PARVA: variants seen among roughly 807,000 people sequenced by gnomAD.
PARVA encodes alpha-parvin.
Under a neutral mutation model 52.6 loss-of-function variants are expected in PARVA, and 25 were observed. The observed-to-expected ratio is 0.48, with a 90% CI of 0.35 to 0.66. The LOEUF (loss-of-function observed/expected upper bound fraction) is 0.66. Ranked by LOEUF, PARVA falls within the 30% of genes least tolerant of loss-of-function variation. PARVA has a pLI of 0.01. For missense variants in PARVA, 373 were observed against 450.9 expected, an observed-to-expected ratio of 0.83 and a Z score of 1.56; for synonymous variants, 185 against 179.1, an observed-to-expected ratio of 1.03 and a Z score of -0.26.
intron 1 of PARVA, among the ~76,000 whole-genome samples, chr11:12,454,173 A>G (rs548521254): frequency 6.6e-6 from 1 of 152,300 alleles, no homozygotes; most frequent in African/African-American, 2.4e-5. Context: ...TGGGCGGAGC[A>G]GATATGAAGG....
Position 12,473,921 on chromosome 11 carries a change from G to A in PARVA, c.235G>A (p.Glu79Lys). 1.3e-6 allele frequency: 2 copies of A among 1,578,662 alleles called. No individual in the cohort carries two copies. The highest frequency in any genetic ancestry group is 1.7e-6 in the Non-Finnish European group (2 of 1,162,062). ...DPEDTMLEEN[E>K]VRTMVDPNSR... Reference sequence around the variant, plus strand: ...TCCTTTTCTTTTTAAAGAGGAGAATGAGGTGCGAACAATGGTGGATCCAAA... The same window carrying A: ...TCCTTTTCTTTTTAAAGAGGAGAATAAGGTGCGAACAATGGTGGATCCAAA... Residue 79 changes from glutamate (E) to lysine (K), a missense_variant, in exon 3 of 13, where the codon GAG becomes AAG. Glu to Lys is a moderately conservative substitution (Grantham distance 56). Coordinates refer to ENST00000334956, the MANE Select transcript of PARVA (RefSeq NM_018222.5).
At chr11:12,431,320 G>A (rs2081610) in intron 1 of PARVA, among the ~76,000 whole-genome samples, 17 of 152,090 alleles carry the variant, frequency 1.1e-4, no homozygotes, top group African/African-American at 2.7e-4. Flanking sequence ...TCACCCCTGC[G>A]TCCATTCTTT....
intron 1 of PARVA, among the ~76,000 whole-genome samples, chr11:12,447,737 A>T (rs1451487071): frequency 6.6e-6 from 1 of 152,218 alleles, no homozygotes; most frequent in Non-Finnish European, 1.5e-5. Context: ...CCAATATATT[A>T]TCAAAATTTA....
intron 12 of PARVA, among the ~76,000 whole-genome samples, chr11:12,526,732 C>T (rs10831845): frequency 0.26 from 39,897 of 151,998 alleles, 6,279 homozygotes; most frequent in East Asian, 0.39. Context: ...ATTTTATTAC[C>T]TAAGTATGCA....
chr11:12,407,359 C>T (rs1310007475), intron 1 of PARVA, among the ~76,000 whole-genome samples: 1 of 152,116 alleles, frequency 6.6e-6, no homozygotes, highest in African/African-American at 2.4e-5. Flanking sequence ...CTACTGTAGG[C>T]ATCATAGATA....
At chr11:12,464,610 T>A (rs1564853595) in intron 1 of PARVA, among the ~76,000 whole-genome samples, 1 of 152,238 alleles carries the variant, frequency 6.6e-6, no homozygotes, top group Non-Finnish European at 1.5e-5. Context: ...CATACATTTG[T>A]AATACAGTTA....
At chr11:12,390,375 T>A (rs1238965211) in intron 1 of PARVA, among the ~76,000 whole-genome samples, 1 of 152,052 alleles carries the variant, frequency 6.6e-6, no homozygotes, top group Non-Finnish European at 1.5e-5. Flanking sequence ...GCACACCAGG[T>A]CTGTTGAGGT....
chr11:12,465,058 C>A (rs962820993), intron 1 of PARVA, among the ~76,000 whole-genome samples: 5 of 152,194 alleles, frequency 3.3e-5, no homozygotes, highest in Non-Finnish European at 2.9e-5. Context: ...TGACAGGAGG[C>A]AGAGCTCAGG....
chr11:12,435,542 T>C (rs550653674), intron 1 of PARVA, among the ~76,000 whole-genome samples: 8 of 152,216 alleles, frequency 5.3e-5, no homozygotes, highest in Non-Finnish European at 1.2e-4. Flanking sequence ...ATGCTCCAAA[T>C]AGCCAAACCC....
intron 1 of PARVA, among the ~76,000 whole-genome samples, chr11:12,388,921 A>G (rs1445573173): frequency 1.3e-5 from 2 of 152,090 alleles, no homozygotes; most frequent in African/African-American, 4.8e-5. Flanking sequence ...AATTCAGGGT[A>G]CTTTACTTTG....
intron 4 of PARVA, among the ~76,000 whole-genome samples, chr11:12,487,108 C>T (rs1941170213): frequency 6.6e-6 from 1 of 152,112 alleles, no homozygotes; most frequent in Non-Finnish European, 1.5e-5. Flanking sequence ...TGGGGAAAAG[C>T]TTGAAGAGGA....
At chr11:12,386,974 T>C (rs1282804855) in intron 1 of PARVA, among the ~76,000 whole-genome samples, 3 of 152,192 alleles carry the variant, frequency 2.0e-5, no homozygotes, top group African/African-American at 7.2e-5. Flanking sequence ...ATATTAGGAA[T>C]CAGCCTTCTT....
At chr11:12,489,981 C>G (rs1413107000) in intron 4 of PARVA, among the ~76,000 whole-genome samples, 1 of 151,900 alleles carries the variant, frequency 6.6e-6, no homozygotes, top group African/African-American at 2.4e-5. Flanking sequence ...TTTTGGGAGG[C>G]CAAGGCAGAT....
Position 12,498,661 on chromosome 11 carries a change from G to A in PARVA, c.541+2063G>A, listed in dbSNP as rs1381800135. Among the ~76,000 whole-genome samples the A allele has an allele frequency of 4.8e-5, 7 of 144,804 alleles. No individual in the cohort carries two copies. In the East Asian group the frequency reaches 6.2e-4, roughly 13 times the overall value. 95.0% of individuals were successfully genotyped at this position (144,804 alleles called of 152,430 possible). A position where few individuals can be genotyped will look rare whatever the true frequency, so the allele number is the denominator to read the frequency against. ...ACAATCTTGGCTCACTGCAACCTTC[G>A]CCTCCTGGGTTCAAGCAGTTCTCCT... On this transcript the variant is annotated intron_variant, in intron 5 of 12. Transcript: ENST00000334956.
At chr11:12,461,629 A>G (rs1405928570) in intron 1 of PARVA, among the ~76,000 whole-genome samples, 3 of 152,226 alleles carry the variant, frequency 2.0e-5, no homozygotes, top group African/African-American at 4.8e-5. Context: ...AAGCCATCCA[A>G]TGGTGCTTCC....
intron 1 of PARVA, among the ~76,000 whole-genome samples, chr11:12,384,551 G>A (rs1294212862): frequency 6.6e-6 from 1 of 152,220 alleles, no homozygotes; most frequent in Non-Finnish European, 1.5e-5. Context: ...AAGAGAAATA[G>A]AGGGTTGTGG....
At chr11:12,430,627 T>G (rs565947277) in intron 1 of PARVA, among the ~76,000 whole-genome samples, 1 of 152,306 alleles carries the variant, frequency 6.6e-6, no homozygotes, top group Admixed American at 6.5e-5. Context: ...ATTACTCACA[T>G]GAATCATGAC....
chr11:12,442,170 C>T (rs1331486618), intron 1 of PARVA, among the ~76,000 whole-genome samples: 1 of 152,218 alleles, frequency 6.6e-6, no homozygotes, highest in Non-Finnish European at 1.5e-5. Flanking sequence ...AGCGAGGCAG[C>T]AACTATGACT....
chr11:12,507,653 A>T (rs542034406), intron 6 of PARVA, among the ~76,000 whole-genome samples: 245 of 152,238 alleles, frequency 1.6e-3, no homozygotes, highest in African/African-American at 5.6e-3. Flanking sequence ...ATTCTAGCTA[A>T]AAGTGCTTGC....
Sources: allele counts gnomAD v4.1 joint callset (sites outside exome capture counted in the v4.1 genomes callset), GRCh38; gene constraint gnomAD v4.1.1; transcripts MANE v1.5; gene names NCBI Gene and HGNC (gene_info 2026-07-23, HGNC 2026-07-21).